Variants in MYT1L observed in about 807,000 individuals in gnomAD.
The protein encoded by MYT1L is myelin transcription factor 1-like protein.
Under a neutral mutation model 126.7 loss-of-function variants are expected in MYT1L, and 12 were observed. The observed-to-expected ratio is 0.09, with a 90% confidence interval of 0.06 to 0.15. The LOEUF (loss-of-function observed/expected upper bound fraction) is 0.15. Ranked by LOEUF, MYT1L falls within the 10% of genes least tolerant of loss-of-function variation. MYT1L has a pLI of 1.00. For missense variants in MYT1L, 979 were observed against 1,585.2 expected, an observed-to-expected ratio of 0.62 and a Z score of 6.49; for synonymous variants, 541 against 604.2, an observed-to-expected ratio of 0.90 and a Z score of 1.53.
chr2:1,894,707 C>T (rs1414929686), intron 14 of MYT1L, among the ~76,000 whole-genome samples: 5 of 152,086 alleles, frequency 3.3e-5, no homozygotes, highest in South Asian at 2.1e-4. Flanking sequence ...CAACAAACAA[C>T]GGCAGCTGAC....
intron 3 of MYT1L, among the ~76,000 whole-genome samples, chr2:2,088,594 A>C (rs1254981991): frequency 6.6e-6 from 1 of 152,008 alleles, no homozygotes. Context: ...TCCAACCTGC[A>C]CTAACGGGTC....
chr2:1,862,182 G>T (rs1323184638), intron 18 of MYT1L, among the ~76,000 whole-genome samples: 2 of 151,860 alleles, frequency 1.3e-5, no homozygotes, highest in Non-Finnish European at 2.9e-5. Flanking sequence ...TTCTACCACG[G>T]AATCTGCCTT....
chr2:1,949,967 T>A (rs2057593154), intron 8 of MYT1L, among the ~76,000 whole-genome samples: 2 of 152,250 alleles, frequency 1.3e-5, no homozygotes, highest in Non-Finnish European at 2.9e-5. Flanking sequence ...CATTTGAATA[T>A]AATTCTGGAG....
At chr2:2,092,270 T>C (rs2076980683) in intron 3 of MYT1L, among the ~76,000 whole-genome samples, 3 of 149,476 alleles carry the variant, frequency 2.0e-5, no homozygotes, top group Non-Finnish European at 4.4e-5. Context: ...CTAATTTCAA[T>C]ATGCTTGTCT....
intron 14 of MYT1L, among the ~76,000 whole-genome samples, chr2:1,900,392 C>T (rs536120796): frequency 3.4e-4 from 51 of 152,032 alleles, no homozygotes; most frequent in Non-Finnish European, 6.2e-4. Flanking sequence ...CTCCGCCTCC[C>T]GGGTTCATGC....
rs368361306 is a variant in MYT1L, at chr2:1,910,391, C to T, written c.1710-44G>A. The T allele has an allele frequency of 1.3e-6, 2 of 1,518,256 alleles. No homozygotes were observed. Among genetic ancestry groups the T allele is most frequent in the East Asian group, 2.2e-5 (1 of 44,454 alleles). 94.0% of individuals were successfully genotyped at this position (1,518,256 alleles called of 1,614,324 possible). ...GGTTGAATGGTCCCGCCTCAAACAC[C>T]TTCACAGCACACTAATCCTCCCTTA... is the stretch of plus-strand genomic sequence containing the variant. On this transcript the variant is annotated intron_variant, in intron 12 of 24. Transcript: ENST00000647738. The surrounding 1 kb of genome is among the most constrained non-coding windows in gnomAD (Gnocchi z 4.8).
intron 3 of MYT1L, among the ~76,000 whole-genome samples, chr2:2,109,903 A>C (rs1285834538): frequency 8.2e-6 from 1 of 122,144 alleles, no homozygotes; most frequent in African/African-American, 2.9e-5. Flanking sequence ...ATATATATAT[A>C]TATATATATA....
intron 3 of MYT1L, among the ~76,000 whole-genome samples, chr2:2,126,843 GAGT>G (rs1488682544): frequency 6.6e-6 from 1 of 152,160 alleles, no homozygotes; most frequent in African/African-American, 2.4e-5. Flanking sequence ...ACTAATTTTT[GAGT>G]ACCAAAATTT....
intron 5 of MYT1L, among the ~76,000 whole-genome samples, chr2:1,985,264 G>A (rs1194536157): frequency 6.6e-6 from 1 of 152,230 alleles, no homozygotes; most frequent in African/African-American, 2.4e-5. Flanking sequence ...AGGAGGGAGG[G>A]CAGGAGCCAG....
chr2:2,140,228 A>T (rs2083742107), intron 3 of MYT1L, among the ~76,000 whole-genome samples: 2 of 152,120 alleles, frequency 1.3e-5, no homozygotes. Context: ...AGATTAAATA[A>T]AATGTTTTTT....
intron 1 of MYT1L, among the ~76,000 whole-genome samples, chr2:2,315,252 C>T (rs2096046542): frequency 1.3e-5 from 2 of 152,184 alleles, no homozygotes; most frequent in African/African-American, 4.8e-5. Flanking sequence ...TTATGCCTTA[C>T]ACTGGCTTAA....
chr2:1,900,878 T>C (rs931612240), intron 14 of MYT1L, among the ~76,000 whole-genome samples: 1 of 152,206 alleles, frequency 6.6e-6, no homozygotes, highest in African/African-American at 2.4e-5. Context: ...GGCTCAGCTT[T>C]AGTGTCCACA....
intron 3 of MYT1L, among the ~76,000 whole-genome samples, chr2:2,108,418 T>C (rs1487151391): frequency 6.6e-6 from 1 of 152,198 alleles, no homozygotes. Context: ...GGTTTTTCCT[T>C]TCAGCTTCAT....
In MYT1L at chr2:2,172,225, A is replaced by T. The variant is rs57368316; in HGVS notation, c.-304+647T>A. Among the ~76,000 whole-genome samples, 914 of 152,180 alleles carry T rather than the reference A, an allele frequency of 6.0e-3. 11 individuals are homozygous for T. The highest frequency in any genetic ancestry group is 0.022 in the African/African-American group (895 of 41,532). ...CAATCTCTTCCCTCCCCAATCCTCCAAATCAGACCCCACATGCTTTACTAA... is the reference window on the plus strand; with the variant it reads ...CAATCTCTTCCCTCCCCAATCCTCCTAATCAGACCCCACATGCTTTACTAA... On this transcript the variant is annotated intron_variant, in intron 3 of 24. Coordinates refer to ENST00000647738, the MANE Select transcript of MYT1L (RefSeq NM_001303052.2).
chr2:2,100,275 G>C (rs1247869263), intron 3 of MYT1L, among the ~76,000 whole-genome samples: 2 of 152,128 alleles, frequency 1.3e-5, no homozygotes, highest in Non-Finnish European at 2.9e-5. Context: ...GTGAGGGTGG[G>C]ATCATCAGAT....
At chr2:1,921,263 A>G (rs185210071) in intron 10 of MYT1L, among the ~76,000 whole-genome samples, 4 of 152,322 alleles carry the variant, frequency 2.6e-5, no homozygotes, top group Admixed American at 2.0e-4. Flanking sequence ...TCATGTTTTA[A>G]ATTGCTTCTT....
intron 9 of MYT1L, among the ~76,000 whole-genome samples, chr2:1,931,091 T>C (rs967042610): frequency 4.6e-5 from 7 of 152,190 alleles, no homozygotes; most frequent in Admixed American, 1.3e-4. Flanking sequence ...TGGCCTGTCA[T>C]GGCCTCGGGT....
At chr2:2,017,780 G>A (rs1165093387) in intron 4 of MYT1L, among the ~76,000 whole-genome samples, 1 of 151,986 alleles carries the variant, frequency 6.6e-6, no homozygotes, top group Admixed American at 6.6e-5. Context: ...AAACACAGAA[G>A]GGATGCTATG....
intron 1 of MYT1L, among the ~76,000 whole-genome samples, chr2:2,288,034 A>G (rs1354861014): frequency 6.6e-6 from 1 of 152,082 alleles, no homozygotes; most frequent in African/African-American, 2.4e-5. Context: ...CATCAGATTT[A>G]TCCCTAGATA....
Sources: allele counts gnomAD v4.1 joint callset (sites outside exome capture counted in the v4.1 genomes callset), GRCh38; gene constraint gnomAD v4.1.1; non-coding constraint Gnocchi (gnomAD v3.1); transcripts MANE v1.5; gene names NCBI Gene and HGNC (gene_info 2026-07-23, HGNC 2026-07-21).